Variants in BMP6 observed in about 807,000 individuals in gnomAD.
The protein encoded by BMP6 is VG-1-R.
BMP6 carries 17 observed loss-of-function variants against 54.1 expected under a neutral mutation model. The ratio of observed to expected loss-of-function variants is 0.31; its 90% CI spans 0.22 to 0.47. The LOEUF (loss-of-function observed/expected upper bound fraction) is 0.47. Ranked by LOEUF, BMP6 falls within the 20% of genes least tolerant of loss-of-function variation. The pLI is 1.00. For missense variants in BMP6, 720 were observed against 690.4 expected (o/e 1.04, Z -0.48); for synonymous variants, 328 against 291.2 (o/e 1.13, Z -1.28).
intron 1 of BMP6, among the ~76,000 whole-genome samples, chr6:7,733,092 G>A (rs1202634837): frequency 6.6e-6 from 1 of 151,822 alleles, no homozygotes; most frequent in East Asian, 1.9e-4. Flanking sequence ...TTTTAGTGGA[G>A]CTGGGGTTTC....
chr6:7,745,376 C>T (rs1005533010), intron 1 of BMP6, among the ~76,000 whole-genome samples: 7 of 152,268 alleles, frequency 4.6e-5, no homozygotes, highest in African/African-American at 9.6e-5. Context: ...TGGGCTCAAG[C>T]GATCCTCCCA....
chr6:7,841,763 A>G (rs1437285442), intron 1 of BMP6, among the ~76,000 whole-genome samples: 3 of 152,242 alleles, frequency 2.0e-5, no homozygotes, highest in South Asian at 2.1e-4. Context: ...GAAGCCGTGC[A>G]TCTTTTCTAA....
chr6:7,854,332 A>C (rs929271523), intron 2 of BMP6, among the ~76,000 whole-genome samples: 1 of 152,200 alleles, frequency 6.6e-6, no homozygotes, highest in African/African-American at 2.4e-5. Flanking sequence ...TATACCCATA[A>C]AAACTAAAAA....
chr6:7,836,758 G>T (rs1280006153), intron 1 of BMP6, among the ~76,000 whole-genome samples: 1 of 152,176 alleles, frequency 6.6e-6, no homozygotes, highest in Non-Finnish European at 1.5e-5. Flanking sequence ...ATGAACCCTG[G>T]AGGGTAAAGT....
At chr6:7,825,029 A>G (rs1758670939) in intron 1 of BMP6, among the ~76,000 whole-genome samples, 1 of 152,262 alleles carries the variant, frequency 6.6e-6, no homozygotes, top group African/African-American at 2.4e-5. Flanking sequence ...AAAAACGCGC[A>G]GACTTCAGCT....
chr6:7,808,095 T>TA (rs1758377070), intron 1 of BMP6, among the ~76,000 whole-genome samples: 6 of 151,882 alleles, frequency 4.0e-5, no homozygotes, highest in Non-Finnish European at 5.9e-5. Flanking sequence ...TAATTTTTTG[T>TA]GTTTTTAGTA....
intron 1 of BMP6, among the ~76,000 whole-genome samples, chr6:7,844,063 C>A (rs1759019867): frequency 6.6e-6 from 1 of 151,872 alleles, no homozygotes; most frequent in African/African-American, 2.4e-5. Flanking sequence ...TGTCCCAGTT[C>A]CTGGTAACCT....
Position 7,879,106 on chromosome 6 carries a change from A to C in BMP6, c.1237A>C (p.Arg413=). 4 of 1,614,216 alleles carry C rather than the reference A, an allele frequency of 2.5e-6. No homozygotes were observed. In the South Asian group the frequency reaches 4.4e-5, roughly 18 times the overall value. ...YNSSELKTAC[R]KHELYVSFQD... Reference sequence around the variant, plus strand: ...CAGCAGTGAATTGAAAACAGCCTGCAGGAAGCATGAGCTGTATGTGAGTTT... The same window carrying C: ...CAGCAGTGAATTGAAAACAGCCTGCCGGAAGCATGAGCTGTATGTGAGTTT... Residue 413 remains arginine, a synonymous_variant, in exon 5 of 7, where the codon AGG becomes CGG. Coordinates refer to ENST00000283147, the MANE Select transcript of BMP6 (RefSeq NM_001718.6).
intron 1 of BMP6, among the ~76,000 whole-genome samples, chr6:7,796,662 G>GA (rs933524583): frequency 6.6e-6 from 1 of 151,990 alleles, no homozygotes; most frequent in East Asian, 1.9e-4. Context: ...TATTTTGCCA[G>GA]AAAAAAAGCG....
At position 7,755,009 on chromosome 6, in the gene BMP6, C is replaced by T. The variant is rs1349561514; in HGVS notation, c.664+27390C>T. Among the ~76,000 whole-genome samples the T allele has an allele frequency of 8.5e-5, 13 of 152,338 alleles. No homozygotes were observed. The South Asian group carries it at 1.0e-3, about 12-fold the overall frequency. ...CTGGGATTACAGGCGTGAGCCACCGCGCCCGGACTAATTTTCTAACCTTTT... is the reference window on the plus strand; with the variant it reads ...CTGGGATTACAGGCGTGAGCCACCGTGCCCGGACTAATTTTCTAACCTTTT... On this transcript the variant is annotated intron_variant, in intron 1 of 6. Transcript: ENST00000283147.
intron 1 of BMP6, among the ~76,000 whole-genome samples, chr6:7,815,107 A>C (rs1037432667): frequency 8.6e-5 from 13 of 152,038 alleles, no homozygotes; most frequent in African/African-American, 3.1e-4. Flanking sequence ...CTTTTCTGGG[A>C]TCCCTTCTCT....
chr6:7,735,210 A>G (rs1761935722), intron 1 of BMP6, among the ~76,000 whole-genome samples: 2 of 152,228 alleles, frequency 1.3e-5, no homozygotes, highest in African/African-American at 4.8e-5. Context: ...TTCACCGTCC[A>G]GAACGTCTGC....
chr6:7,795,872 G>A (rs934663301), intron 1 of BMP6, among the ~76,000 whole-genome samples: 3 of 152,174 alleles, frequency 2.0e-5, no homozygotes, highest in Non-Finnish European at 4.4e-5. Flanking sequence ...TGGGTGGATG[G>A]AGGCGCCTCT....
rs2113094330 is a variant in BMP6 at position 7,727,046 on chromosome 6, T to G, written c.91T>G (p.Leu31Val). The change falls in exon 1 of 7, where the codon TTG becomes GTG. Residue 31 changes from leucine to valine, a missense_variant. Physicochemically the swap from Leu to Val is conservative, Grantham distance 32. Around this residue, in one of 3 missense-constraint regions of BMP6, gnomAD observed 650 missense variants for 556.3 expected, o/e 1.17. Transcript: ENST00000283147. Reference protein sequence around the residue: ...CCGPPPLRPPLPAAAAAAAGG... With the variant: ...CCGPPPLRPPVPAAAAAAAGG... ...CGGGCCCCCGCCGCTGCGGCCGCCC[T>G]TGCCCGCTGCCGCGGCCGCCGCCGC... 1.7e-6 allele frequency: 2 copies of G among 1,166,738 alleles called. No individual in the cohort carries two copies. The highest frequency in any genetic ancestry group is 4.8e-5 in the Admixed American group (1 of 20,926). 72.3% of individuals were successfully genotyped at this position (1,166,738 alleles called of 1,614,324 possible).
intron 1 of BMP6, among the ~76,000 whole-genome samples, chr6:7,810,287 C>T (rs561415255): frequency 2.4e-4 from 36 of 152,276 alleles, no homozygotes; most frequent in African/African-American, 7.5e-4. Flanking sequence ...AAAACAGCTA[C>T]GTAGATAGCA....
At position 7,880,107 on chromosome 6, in the gene BMP6, C is replaced by T; in HGVS notation, c.1392+6C>T. 6.2e-7 allele frequency: 1 copy of T among 1,614,106 alleles called. No homozygotes were observed. Among genetic ancestry groups the T allele is most frequent in the Non-Finnish European group, 8.5e-7 (1 of 1,179,976 alleles). Reference sequence around the variant, plus strand: ...ACGCGATTGTGCAGACCTTGGTGAGCTCTCGGAGACTTTGTTTTGTAAGTG... The same window carrying T: ...ACGCGATTGTGCAGACCTTGGTGAGTTCTCGGAGACTTTGTTTTGTAAGTG... On this transcript the variant is annotated splice_donor_region_variant and intron_variant, in intron 6 of 6. Coordinates refer to ENST00000283147, the MANE Select transcript of BMP6 (RefSeq NM_001718.6).
chr6:7,776,236 G>A (rs575311462), intron 1 of BMP6, among the ~76,000 whole-genome samples: 5 of 152,340 alleles, frequency 3.3e-5, no homozygotes, highest in East Asian at 3.9e-4. Flanking sequence ...ACATGCAGAC[G>A]TTGAGCTCAG....
In BMP6 at chr6:7,824,106, T is replaced by C. The variant is rs548079965; in HGVS notation, c.665-21034T>C. 1.1e-4 allele frequency among the ~76,000 whole-genome samples: 16 copies of C among 152,246 alleles called. No individual in the cohort carries two copies. The East Asian group carries it at 2.1e-3, about 20-fold the overall frequency. Reference sequence around the variant, plus strand: ...TCCACAGTGTTAGTGGTGGAGGTGGTGAGCAGATTGGGTACTGATAGATTT... The same window carrying C: ...TCCACAGTGTTAGTGGTGGAGGTGGCGAGCAGATTGGGTACTGATAGATTT... On this transcript the variant is annotated intron_variant, in intron 1 of 6. Coordinates refer to ENST00000283147, the MANE Select transcript of BMP6 (RefSeq NM_001718.6).
intron 1 of BMP6, among the ~76,000 whole-genome samples, chr6:7,814,971 A>G (rs1217989575): frequency 6.6e-6 from 1 of 152,188 alleles, no homozygotes; most frequent in Middle Eastern, 3.2e-3. Flanking sequence ...GTATCCCAGA[A>G]CTTAAAGTAA....
Sources: allele counts gnomAD v4.1 joint callset (sites outside exome capture counted in the v4.1 genomes callset), GRCh38; gene constraint gnomAD v4.1.1; regional missense constraint gnomAD v4.1.1; transcripts MANE v1.5; gene names NCBI Gene and HGNC (gene_info 2026-07-23, HGNC 2026-07-21).